CROCC: variants seen among roughly 807,000 people sequenced by gnomAD.
CROCC encodes the protein ciliary rootlet coiled-coil, rootletin.
In CROCC, 180 loss-of-function variants were observed where a neutral mutation model predicts 245.2. The ratio of observed to expected loss-of-function variants is 0.73; its 90% CI spans 0.65 to 0.83. The LOEUF (loss-of-function observed/expected upper bound fraction) is 0.83. Ranked by LOEUF, CROCC falls within the 40% of genes least tolerant of loss-of-function variation. The pLI, the probability that CROCC is intolerant of heterozygous loss-of-function variation, is 0.00. For synonymous variants in CROCC, 1,205 were observed against 1,241.6 expected (o/e 0.97, Z 0.62); for missense variants, 2,688 against 2,779.4 (o/e 0.97, Z 0.74).
At chr1:16,926,657 CA>C (rs1271701642) in intron 3 of CROCC, among the ~76,000 whole-genome samples, 1 of 152,268 alleles carries the variant, frequency 6.6e-6, no homozygotes, top group Non-Finnish European at 1.5e-5. Context: ...TCAGGGCCCC[CA>C]TGGGGGTCCC....
chr1:16,916,985 G>A (rs188126810), upstream of CROCC, among the ~76,000 whole-genome samples: 20 of 152,404 alleles, frequency 1.3e-4, no homozygotes, highest in South Asian at 4.1e-4. Context: ...GGGCGCGGTG[G>A]CGCATACCTG....
At position 16,968,417 on chromosome 1, in the gene CROCC, A is replaced by G. The variant is rs905586242; in HGVS notation, c.5075A>G (p.Gln1692Arg). ...LQDRVDSLQR[Q>R]VADSEVKAGT... is the part of the protein sequence containing the mutation. ...GATCGGGTGGATTCCCTGCAGAGAC[A>G]GGTGGGCCCCTCCCCAAATCACAGC... is the stretch of plus-strand genomic sequence containing the variant. The change falls in exon 31 of 37, where the codon CAG becomes CGG. Residue 1692 changes from glutamine (Q) to arginine (R), a missense_variant and splice_region_variant. This residue lies in a region of CROCC where 1,218 missense variants were observed against 1,286.3 expected (regional missense o/e 0.95). Coordinates refer to ENST00000375541, the MANE Select transcript of CROCC (RefSeq NM_014675.5). 6.8e-7 allele frequency: 1 copy of G among 1,475,420 alleles called. No homozygotes were observed. Among genetic ancestry groups the G allele is most frequent in the Non-Finnish European group, 9.0e-7 (1 of 1,113,210 alleles). 91.4% of individuals were successfully genotyped at this position (1,475,420 alleles called of 1,614,324 possible).
At chr1:16,939,210 G>A in intron 12 of CROCC, 68 bp downstream of exon 12, 1 of 1,155,296 alleles carries the variant, frequency 8.7e-7, no homozygotes. Context: ...CCCTCCGGGT[G>A]GGGGCGGGGG....
At chr1:16,923,139 G>C (rs1176563504) in intron 2 of CROCC, among the ~76,000 whole-genome samples, 3 of 152,286 alleles carry the variant, frequency 2.0e-5, no homozygotes, top group African/African-American at 7.2e-5. Flanking sequence ...GGGCAGCTCA[G>C]CTCAGACCAG....
rs12737483 is a variant in CROCC at position 16,936,863 on chromosome 1, C to T, written c.1183C>T (p.Leu395Phe). 19 of 1,610,022 alleles carry T rather than the reference C, an allele frequency of 1.2e-5. No individual in the cohort carries two copies. The African/African-American group carries it at 2.3e-4, about 19-fold the overall frequency. ...GCAAAGCGACCTGGACAAGGCTGAC[C>T]TCAGTGCCAGGTGGGTACCTGGTGG... ...QMQSDLDKADLSARVTELGLA... is the reference protein window; with the variant it reads ...QMQSDLDKADFSARVTELGLA... Residue 395 changes from leucine to phenylalanine, a missense_variant, in exon 9 of 37, where the codon CTC (leucine) becomes TTC (phenylalanine). This residue lies in a region of CROCC where 972 missense variants were observed against 895.3 expected (regional missense o/e 1.09). Coordinates refer to ENST00000375541, the MANE Select transcript of CROCC (RefSeq NM_014675.5).
chr1:16,954,647 A>C lies in CROCC; in HGVS notation c.3322-87A>C. ...GCGGGAGGGGCCGTGTTTAGAGCTA[A>C]AAGTGGACAGTGCACTGAGCGGGTT... is the stretch of plus-strand genomic sequence containing the variant. On this transcript the variant is annotated intron_variant, in intron 22 of 36. Transcript: ENST00000375541. The surrounding 1 kb of genome is among the most constrained non-coding windows in gnomAD (Gnocchi z 4.4). 4 of 1,453,438 alleles carry C rather than the reference A, an allele frequency of 2.8e-6. No homozygotes were observed. The highest frequency in any genetic ancestry group is 3.7e-6 in the Non-Finnish European group (4 of 1,093,700). 90.0% of individuals were successfully genotyped at this position (1,453,438 alleles called of 1,614,324 possible). A position where few individuals can be genotyped will look rare whatever the true frequency, so the allele number is the denominator to read the frequency against.
chr1:16,938,531 A>C, intron 11 of CROCC, 48 bp downstream of exon 11: 1 of 1,499,520 alleles, frequency 6.7e-7, no homozygotes, highest in South Asian at 1.2e-5. Context: ...AGGCAGTCCC[A>C]GGCTCCCCCG....
At position 16,966,619 on chromosome 1, in the gene CROCC, C is replaced by A. The variant is rs997284318; in HGVS notation, c.4860+48C>A. ...CGGGGCGACGGGGAATCTGTGTACCCGAGTGAGTGTCTAACTCTTATGTGT... is the reference window on the plus strand; with the variant it reads ...CGGGGCGACGGGGAATCTGTGTACCAGAGTGAGTGTCTAACTCTTATGTGT... On this transcript the variant is annotated intron_variant, in intron 30 of 36. Coordinates refer to ENST00000375541, the MANE Select transcript of CROCC (RefSeq NM_014675.5). The surrounding 1 kb of genome is among the most constrained non-coding windows in gnomAD (Gnocchi z 4.8). 4.2e-6 allele frequency: 6 copies of A among 1,439,600 alleles called. No homozygotes were observed. Among genetic ancestry groups the A allele is most frequent in the Non-Finnish European group, 5.5e-6 (6 of 1,098,160 alleles). 89.2% of individuals were successfully genotyped at this position (1,439,600 alleles called of 1,614,324 possible). A position where few individuals can be genotyped will look rare whatever the true frequency, so the allele number is the denominator to read the frequency against.
At position 16,970,398 on chromosome 1, in the gene CROCC, G is replaced by T; in HGVS notation, c.5597G>T (p.Arg1866Leu). Residue 1866 changes from arginine (R) to leucine (L), a missense_variant, in exon 34 of 37, where the codon CGC becomes CTC. Arg to Leu is a moderately radical substitution (Grantham distance 102, BLOSUM62 -2). Transcript: ENST00000375541. ...QLEAEKREVE[R>L]SALRLEKDRV... is the part of the protein sequence containing the mutation. ...GAAGCTGAGAAGCGGGAGGTGGAGCGCTCAGCCCTGCGGCTGGAGAAGGAC... is the reference window on the plus strand; with the variant it reads ...GAAGCTGAGAAGCGGGAGGTGGAGCTCTCAGCCCTGCGGCTGGAGAAGGAC... 4 of 1,605,146 alleles carry T rather than the reference G, an allele frequency of 2.5e-6. No individual in the cohort carries two copies. Among genetic ancestry groups the T allele is most frequent in the Non-Finnish European group, 2.6e-6 (3 of 1,176,222 alleles).
intron 33 of CROCC, 134 bp from the exon 34 acceptor site, chr1:16,970,119 C>T: frequency 8.3e-7 from 1 of 1,203,288 alleles, no homozygotes; most frequent in Non-Finnish European, 1.1e-6. Flanking sequence ...ACAGGTTTGG[C>T]TTCAGGTGAC....
At position 16,965,806 on chromosome 1, in the gene CROCC, C is replaced by G. The variant is rs1404298281; in HGVS notation, c.4489C>G (p.Pro1497Ala). 4 of 1,613,828 alleles carry G rather than the reference C, an allele frequency of 2.5e-6. No individual in the cohort carries two copies. Among genetic ancestry groups the G allele is most frequent in the Non-Finnish European group, 3.4e-6 (4 of 1,180,038 alleles). The change falls in exon 28 of 37, where the codon CCA (proline) becomes GCA (alanine). Residue 1497 changes from proline (P) to alanine (A), a missense_variant. Transcript: ENST00000375541. ...QPPSPGPATSPASPDLDPEAV... is the reference protein window; with the variant it reads ...QPPSPGPATSAASPDLDPEAV... ...ACCATCTCCAGGACCTGCCACCTCC[C>G]CAGCCTCTCCAGACCTGGACCCGGA...
chr1:16,950,828 A>G (rs1289455773), intron 19 of CROCC, 125 bp from the exon 20 acceptor site: 18 of 776,254 alleles, frequency 2.3e-5, no homozygotes, highest in Non-Finnish European at 3.5e-5. Context: ...AGAGGACCCA[A>G]ACTAGATGCC....
In CROCC at chr1:16,938,569, A is replaced by T. The variant is rs1457655276; in HGVS notation, c.1374+86A>T. 26 of 1,263,290 alleles carry T rather than the reference A, an allele frequency of 2.1e-5. No homozygotes were observed. The African/African-American group carries it at 3.5e-4, about 17-fold the overall frequency. 78.3% of individuals were successfully genotyped at this position (1,263,290 alleles called of 1,614,324 possible). On this transcript the variant is annotated intron_variant, in intron 11 of 36. Coordinates refer to ENST00000375541, the MANE Select transcript of CROCC (RefSeq NM_014675.5). ...ACGTCTTTCGGTGACCTGGGACTGA[A>T]CTGCAAATGGGTGGGGGCCTGGGAC...
At position 16,966,175 on chromosome 1, in the gene CROCC, C is replaced by A; in HGVS notation, c.4696+56C>A. The A allele has an allele frequency of 6.4e-7, 1 of 1,565,124 alleles. No homozygotes were observed. Among genetic ancestry groups the A allele is most frequent in the Non-Finnish European group, 8.7e-7 (1 of 1,150,024 alleles). ...TCTCCTGTGTTTTGGGCAGTTGAGG[C>A]AGGAGCCGGGGGATTGGCCTCTGAC... On this transcript the variant is annotated intron_variant, in intron 29 of 36. Transcript: ENST00000375541. The surrounding 1 kb of genome is among the most constrained non-coding windows in gnomAD (Gnocchi z 4.8).
chr1:16,952,760 C>A (rs2076184026), intron 20 of CROCC, among the ~76,000 whole-genome samples: 1 of 152,226 alleles, frequency 6.6e-6, no homozygotes, highest in Non-Finnish European at 1.5e-5. Context: ...TCATTCCTCA[C>A]AGCCAGTCCT....
intron 27 of CROCC, among the ~76,000 whole-genome samples, chr1:16,963,967 T>A (rs1210768670): frequency 6.6e-6 from 1 of 151,678 alleles, no homozygotes; most frequent in Non-Finnish European, 1.5e-5. Context: ...AGCTAATTTT[T>A]TGTATTTTTA....
chr1:16,966,183 G>A lies in CROCC; in HGVS notation c.4696+64G>A, dbSNP rs147636829. On this transcript the variant is annotated intron_variant, in intron 29 of 36. Coordinates refer to ENST00000375541, the MANE Select transcript of CROCC (RefSeq NM_014675.5). The surrounding 1 kb of genome is among the most constrained non-coding windows in gnomAD (Gnocchi z 4.8). Reference sequence around the variant, plus strand: ...GTTTTGGGCAGTTGAGGCAGGAGCCGGGGGATTGGCCTCTGACCTTGCCGT... The same window carrying A: ...GTTTTGGGCAGTTGAGGCAGGAGCCAGGGGATTGGCCTCTGACCTTGCCGT... 23,936 of 1,556,558 alleles carry A rather than the reference G, an allele frequency of 0.015. 206 individuals are homozygous for A. The highest frequency in any genetic ancestry group is 0.038 in the Middle Eastern group (220 of 5,834).
upstream of CROCC, among the ~76,000 whole-genome samples, chr1:16,920,319 C>T (rs1225141527): frequency 2.1e-4 from 32 of 152,320 alleles, no homozygotes; most frequent in African/African-American, 6.7e-4. Flanking sequence ...CCTCCTGATC[C>T]GCCTGCCTCA....
At chr1:16,918,474 T>C (rs1375390014), upstream of CROCC, among the ~76,000 whole-genome samples, 7 of 152,342 alleles carry the variant, frequency 4.6e-5, no homozygotes, top group South Asian at 1.5e-3. Context: ...TCCTGTCCCC[T>C]TCCTCCAACC....
Sources: allele counts gnomAD v4.1 joint callset (sites outside exome capture counted in the v4.1 genomes callset), GRCh38; gene constraint gnomAD v4.1.1; regional missense constraint gnomAD v4.1.1; non-coding constraint Gnocchi (gnomAD v3.1); transcripts MANE v1.5; gene names NCBI Gene and HGNC (gene_info 2026-07-23, HGNC 2026-07-21).